The following SGPP2 variants were observed in gnomAD, a reference collection of about 807,000 sequenced individuals.
The protein encoded by SGPP2 is sphingosine 1-phosphate phosphohydrolase 2.
A neutral mutation model predicts 33.9 loss-of-function variants in SGPP2; 30 were observed. The observed-to-expected ratio is 0.89, with a 90% confidence interval of 0.66 to 1.20. The LOEUF is 1.20. Among genes scored for constraint, SGPP2 ranks in the 50% most tolerant of loss-of-function variants. The pLI is 0.00. For missense variants in SGPP2, 458 were observed against 532.1 expected, an observed-to-expected ratio of 0.86 and a Z score of 1.37; for synonymous variants, 233 against 225.0, an observed-to-expected ratio of 1.04 and a Z score of -0.32.
At chr2:222,471,552 A>G (rs559869213) in intron 1 of SGPP2, among the ~76,000 whole-genome samples, 10 of 152,128 alleles carry the variant, frequency 6.6e-5, no homozygotes, top group Non-Finnish European at 1.2e-4. Context: ...CTTGAAGCAG[A>G]CATCACACCT....
intron 1 of SGPP2, among the ~76,000 whole-genome samples, chr2:222,472,306 C>T (rs1240667433): frequency 6.6e-6 from 1 of 151,948 alleles, no homozygotes; most frequent in Admixed American, 6.6e-5. Context: ...GGTTGTATTG[C>T]AGTTGAGAAA....
chr2:222,473,911 C>A (rs1181761921), intron 1 of SGPP2, among the ~76,000 whole-genome samples: 2 of 126,036 alleles, frequency 1.6e-5, no homozygotes, highest in South Asian at 2.5e-4. Flanking sequence ...GCAACAAGAG[C>A]AAAACTCTGT....
At chr2:222,557,911 T>A (rs950360477) in intron 4 of SGPP2, among the ~76,000 whole-genome samples, 7 of 152,180 alleles carry the variant, frequency 4.6e-5, no homozygotes, top group Non-Finnish European at 1.0e-4. Flanking sequence ...GCTGTGTATA[T>A]TTGGCTCCCC....
chr2:222,518,625 G>T (rs1698640507), intron 2 of SGPP2, among the ~76,000 whole-genome samples: 1 of 152,166 alleles, frequency 6.6e-6, no homozygotes, highest in African/African-American at 2.4e-5. Context: ...TCAGTTAGTT[G>T]TGGTTTTTAC....
intron 1 of SGPP2, among the ~76,000 whole-genome samples, chr2:222,463,849 AT>A (rs1697702371): frequency 1.3e-5 from 2 of 152,192 alleles, no homozygotes; most frequent in Admixed American, 1.3e-4. Flanking sequence ...ATTTTCTTAC[AT>A]TTTTGGCAGT....
At chr2:222,444,643 A>T (rs1021791861) in intron 1 of SGPP2, among the ~76,000 whole-genome samples, 3 of 152,188 alleles carry the variant, frequency 2.0e-5, no homozygotes, top group African/African-American at 7.2e-5. Context: ...TCTGAACAAG[A>T]TCTCTTTTTC....
At chr2:222,515,414 C>T (rs1055618217) in intron 2 of SGPP2, among the ~76,000 whole-genome samples, 8 of 152,092 alleles carry the variant, frequency 5.3e-5, no homozygotes, top group Non-Finnish European at 8.8e-5. Context: ...TTGCAACCTC[C>T]GCCTCCCGGG....
chr2:222,517,267 T>A lies in SGPP2; in HGVS notation c.379-4500T>A, dbSNP rs540574560. 5.3e-5 allele frequency among the ~76,000 whole-genome samples: 8 copies of A among 152,220 alleles called. No individual in the cohort carries two copies. The South Asian group carries it at 1.7e-3, about 32-fold the overall frequency. ...CCTGTTTTCTCACCCCCCTATCCTG[T>A]ACCCATATAAACCCCAAATCCCAGA... On this transcript the variant is annotated intron_variant, in intron 2 of 4. Transcript: ENST00000321276.
At chr2:222,552,350 C>T (rs1264173379) in intron 4 of SGPP2, among the ~76,000 whole-genome samples, 1 of 152,160 alleles carries the variant, frequency 6.6e-6, no homozygotes, top group African/African-American at 2.4e-5. Flanking sequence ...GTTTCCTGTT[C>T]ACCGAATCCA....
intron 2 of SGPP2, among the ~76,000 whole-genome samples, chr2:222,512,767 A>G (rs1440100448): frequency 6.6e-6 from 1 of 152,108 alleles, no homozygotes; most frequent in East Asian, 1.9e-4. Flanking sequence ...TCACTTACTG[A>G]TATATATTTA....
chr2:222,477,433 G>T lies in SGPP2; in HGVS notation c.378+2707G>T, dbSNP rs182634933. On this transcript the variant is annotated intron_variant, in intron 2 of 4. Coordinates refer to ENST00000321276, the MANE Select transcript of SGPP2 (RefSeq NM_152386.4). The surrounding 1 kb of genome is among the most constrained non-coding windows in gnomAD (Gnocchi z 6.0). ...TGTGTGTTTATAGGTATGTATATATGTGTGAATGTATGTATATAGGTGTGT... is the reference window on the plus strand; with the variant it reads ...TGTGTGTTTATAGGTATGTATATATTTGTGAATGTATGTATATAGGTGTGT... Among the ~76,000 whole-genome samples, 2 of 150,554 alleles carry T rather than the reference G, an allele frequency of 1.3e-5. No homozygotes were observed. Among genetic ancestry groups the T allele is most frequent in the African/African-American group, 5.0e-5 (2 of 40,398 alleles).
At chr2:222,496,484 G>A (rs1021077336) in intron 2 of SGPP2, among the ~76,000 whole-genome samples, 2 of 152,070 alleles carry the variant, frequency 1.3e-5, no homozygotes, top group African/African-American at 4.8e-5. Flanking sequence ...AGTCTCCCTC[G>A]AGCTAGTCTT....
rs61253653 is a variant in SGPP2 at position 222,467,950 on chromosome 2, GAAAAAAAAAAAAAAAAAAAAAA to G, written c.220-6601_220-6580del. Among the ~76,000 whole-genome samples the G allele has an allele frequency of 3.7e-3, 92 of 24,868 alleles. 1 individual carries two copies. The highest frequency in any genetic ancestry group is 9.5e-3 in the South Asian group (5 of 524). The allele number at this position is 24,868 out of a possible 152,430, so 16.3% of individuals were successfully genotyped here. A position where few individuals can be genotyped will look rare whatever the true frequency, so the allele number is the denominator to read the frequency against. On this transcript the variant is annotated intron_variant, in intron 1 of 4. Coordinates refer to ENST00000321276, the MANE Select transcript of SGPP2 (RefSeq NM_152386.4). ...AAATGTATATTTAAAGCTCTAATCT[GAAAAAAAAAAAAAAAAAAAAAA>G]AAAAAAAAAAAAAAAACAGAGGAAG...
chr2:222,519,816 T>C (rs915115669), intron 2 of SGPP2, among the ~76,000 whole-genome samples: 2 of 152,210 alleles, frequency 1.3e-5, no homozygotes, highest in African/African-American at 4.8e-5. Flanking sequence ...GTCCTCCAGC[T>C]CCATCCATGT....
intron 1 of SGPP2, among the ~76,000 whole-genome samples, chr2:222,458,823 A>G (rs1208277035): frequency 6.6e-6 from 1 of 152,158 alleles, no homozygotes; most frequent in East Asian, 1.9e-4. Context: ...GCAAGCACTA[A>G]TTGACTTTGT....
chr2:222,481,843 G>A (rs1032838602), intron 2 of SGPP2, among the ~76,000 whole-genome samples: 3 of 152,118 alleles, frequency 2.0e-5, no homozygotes, highest in African/African-American at 7.2e-5. Context: ...TTCCCCATTT[G>A]TAAGATTTGT....
Position 222,474,878 on chromosome 2 carries a change from G to C in SGPP2, c.378+152G>C, listed in dbSNP as rs370339423. On this transcript the variant is annotated intron_variant, in intron 2 of 4. Transcript: ENST00000321276. The stretch of plus-strand genomic sequence containing the variant: ...TGCCTAATTTCCTTTGGAAAAATTA[G>C]AAAGCAATAGACACAACTTGTGTTC... 65 of 673,778 alleles carry C rather than the reference G, an allele frequency of 9.6e-5. No individual in the cohort carries two copies. In the African/African-American group the frequency reaches 1.2e-3, roughly 12 times the overall value. 41.7% of individuals were successfully genotyped at this position (673,778 alleles called of 1,614,324 possible).
chr2:222,511,334 T>C (rs1262238884), intron 2 of SGPP2, among the ~76,000 whole-genome samples: 2 of 152,230 alleles, frequency 1.3e-5, no homozygotes, highest in Non-Finnish European at 2.9e-5. Flanking sequence ...ACATTTATCC[T>C]GCATTCAGAG....
chr2:222,472,565 G>C (rs868231226), intron 1 of SGPP2, among the ~76,000 whole-genome samples: 6 of 152,322 alleles, frequency 3.9e-5, no homozygotes, highest in South Asian at 4.1e-4. Flanking sequence ...CACACGCCTG[G>C]TCAGTAAGTG....
Sources: gnomAD v4.1 joint callset for allele counts (sites outside exome capture counted in the v4.1 genomes callset) on GRCh38, gnomAD v4.1.1 for gene constraint, Gnocchi (gnomAD v3.1) non-coding constraint, MANE v1.5 for transcripts, NCBI Gene and HGNC (gene_info 2026-07-23, HGNC 2026-07-21) for gene names.